Variants in CYP46A1 observed in about 807,000 individuals in gnomAD.
The protein encoded by CYP46A1 is cytochrome P450 family 46 subfamily A member 1.
CYP46A1 carries 20 observed loss-of-function variants against 63.3 expected under a neutral mutation model. The observed-to-expected ratio is 0.32, with a 90% CI of 0.22 to 0.46. The LOEUF (loss-of-function observed/expected upper bound fraction) is 0.46, where lower values mean the gene tolerates loss of function less well. CYP46A1 is among the 20% of genes least tolerant of loss of function. CYP46A1 has a pLI of 1.00. For missense variants in CYP46A1, 445 were observed against 670.8 expected (o/e 0.66, Z 3.72); for synonymous variants, 268 against 273.6 (o/e 0.98, Z 0.20).
Position 99,693,991 on chromosome 14 carries a change from TC to T in CYP46A1, c.282+2136del, listed in dbSNP as rs1333157510. Among the ~76,000 whole-genome samples the T allele has an allele frequency of 2.0e-5, 3 of 152,022 alleles. No homozygotes were observed. In the East Asian group the frequency reaches 5.8e-4, roughly 29 times the overall value. ...GTTAAACAATAACTCCCCATTCCCC[TC>T]CCCCCAGACCCTGGAAACCACTATT... On this transcript the variant is annotated intron_variant, in intron 3 of 14. Transcript: ENST00000261835.
intron 3 of CYP46A1, among the ~76,000 whole-genome samples, chr14:99,696,673 T>C (rs2056589644): frequency 6.6e-6 from 1 of 152,238 alleles, no homozygotes; most frequent in South Asian, 2.1e-4. Flanking sequence ...TCCATGATCA[T>C]ATTAGTAATA....
chr14:99,701,222 T>C (rs1193104433), intron 5 of CYP46A1, among the ~76,000 whole-genome samples: 1 of 152,188 alleles, frequency 6.6e-6, no homozygotes, highest in Non-Finnish European at 1.5e-5. Flanking sequence ...TTTAACTCAG[T>C]GTAGCCTGTG....
At chr14:99,695,514 T>C (rs751223499) in intron 3 of CYP46A1, 1 of 363,820 alleles carries the variant, frequency 2.7e-6, no homozygotes. Flanking sequence ...TTATGATGAA[T>C]TGACTCTTTT....
intron 10 of CYP46A1, among the ~76,000 whole-genome samples, chr14:99,721,012 G>A (rs187705251): frequency 2.6e-5 from 4 of 152,130 alleles, no homozygotes; most frequent in African/African-American, 9.7e-5. Flanking sequence ...TTGAATCCTG[G>A]GGGGAGGGCG....
chr14:99,709,160 C>G (rs1178107085), intron 7 of CYP46A1: 2 of 152,070 alleles, frequency 1.3e-5, no homozygotes, highest in African/African-American at 4.8e-5. Flanking sequence ...CAAGGAAATA[C>G]TATACCTTCA....
chr14:99,697,014 T>TTTGTCCGCAGACAAAC (rs2056592359), intron 3 of CYP46A1, among the ~76,000 whole-genome samples: 3 of 152,118 alleles, frequency 2.0e-5, no homozygotes, highest in Non-Finnish European at 4.4e-5. Context: ...CTGCGGAAGG[T>TTTGTCCGCAGACAAAC]CTTGTGTCTG....
At chr14:99,703,384 T>G (rs2056648690) in intron 5 of CYP46A1, among the ~76,000 whole-genome samples, 1 of 152,126 alleles carries the variant, frequency 6.6e-6, no homozygotes, top group African/African-American at 2.4e-5. Flanking sequence ...CCTGAAGAGA[T>G]CTTGCTAAAG....
intron 7 of CYP46A1, chr14:99,709,030 C>T (rs558920405): frequency 1.3e-5 from 2 of 152,172 alleles, no homozygotes; most frequent in African/African-American, 2.4e-5. Flanking sequence ...AGCACCCTAC[C>T]CACCCAACAC....
At chr14:99,691,198 G>A (rs758032250) in intron 2 of CYP46A1, 37 bp downstream of exon 2, 1 of 1,606,956 alleles carries the variant, frequency 6.2e-7, no homozygotes. Flanking sequence ...CCTTACTCCA[G>A]GTTCCCTTGG....
In CYP46A1 at chr14:99,716,031, A is replaced by G. The variant is rs531904093; in HGVS notation, c.844+71A>G. The stretch of plus-strand genomic sequence containing the variant: ...GACGTTCCCCAGGTGATACATCGCC[A>G]CTGACTCTGTTTGGCTTAAGAGGAG... On this transcript the variant is annotated intron_variant, in intron 8 of 14. Transcript: ENST00000261835. 4.6e-5 allele frequency: 74 copies of G among 1,607,610 alleles called. No individual in the cohort carries two copies. The Middle Eastern group carries it at 8.3e-4, about 18-fold the overall frequency.
intron 1 of CYP46A1, among the ~76,000 whole-genome samples, chr14:99,687,166 G>C (rs765780934): frequency 2.2e-4 from 33 of 152,106 alleles, no homozygotes; most frequent in Non-Finnish European, 4.4e-4. Flanking sequence ...CTACTGCACC[G>C]ATCCGTGTAA....
chr14:99,687,372 G>T (rs2056503507), intron 1 of CYP46A1, among the ~76,000 whole-genome samples: 1 of 152,240 alleles, frequency 6.6e-6, no homozygotes, highest in Non-Finnish European at 1.5e-5. Flanking sequence ...CTCCTGGACA[G>T]TTCTGGTTCC....
At chr14:99,706,969 G>C (rs923451661) in intron 6 of CYP46A1, among the ~76,000 whole-genome samples, 184 bp downstream of exon 6, 1 of 152,234 alleles carries the variant, frequency 6.6e-6, no homozygotes, top group Non-Finnish European at 1.5e-5. Flanking sequence ...CCTAGTGTGA[G>C]ATTGGGGCTA....
At chr14:99,715,385 A>G (rs939900268) in intron 7 of CYP46A1, among the ~76,000 whole-genome samples, 1 of 152,182 alleles carries the variant, frequency 6.6e-6, no homozygotes. Context: ...AGCTGAGTTC[A>G]TCTCAGGGCC....
At chr14:99,695,922 T>C (rs1476939333) in intron 3 of CYP46A1, among the ~76,000 whole-genome samples, 1 of 152,160 alleles carries the variant, frequency 6.6e-6, no homozygotes, top group East Asian at 1.9e-4. Flanking sequence ...TGAGCCACCA[T>C]GCCCAGCCTC....
intron 1 of CYP46A1, among the ~76,000 whole-genome samples, chr14:99,688,309 G>A (rs764391596): frequency 9.9e-5 from 15 of 152,078 alleles, no homozygotes; most frequent in African/African-American, 3.1e-4. Flanking sequence ...CGGCCACCCC[G>A]TACTTCCTTC....
At chr14:99,685,094 C>T (rs1470330362) in intron 1 of CYP46A1, among the ~76,000 whole-genome samples, 2 of 41,190 alleles carry the variant, frequency 4.9e-5, no homozygotes, top group Non-Finnish European at 1.2e-4. Flanking sequence ...GCCAACCCCC[C>T]CCCACCCCCA....
chr14:99,692,718 T>A (rs1272619624), intron 3 of CYP46A1, among the ~76,000 whole-genome samples: 5 of 150,862 alleles, frequency 3.3e-5, no homozygotes, highest in African/African-American at 9.8e-5. Context: ...TAATCCCAGC[T>A]ACCTGGGGGG....
At position 99,716,233 on chromosome 14, in the gene CYP46A1, G is replaced by C. The variant is rs972984293; in HGVS notation, c.907+34G>C. ...CTTTGGCGGTGGCCAAGGGCCCGGA[G>C]CTCTGCAGAAATGCTGTGGACCATG... On this transcript the variant is annotated intron_variant, in intron 9 of 14. Transcript: ENST00000261835. 2.5e-6 allele frequency: 4 copies of C among 1,610,680 alleles called. No individual in the cohort carries two copies. In the African/African-American group the frequency reaches 5.3e-5, roughly 22 times the overall value.
Sources: allele counts gnomAD v4.1 joint callset (sites outside exome capture counted in the v4.1 genomes callset), GRCh38; gene constraint gnomAD v4.1.1; transcripts MANE v1.5; gene names NCBI Gene and HGNC (gene_info 2026-07-23, HGNC 2026-07-21).